Variants in XRCC6 observed in about 807,000 individuals in gnomAD.
The protein encoded by XRCC6 is X-ray repair cross complementing 6.
XRCC6 carries 5 observed loss-of-function variants against 65.7 expected under a neutral mutation model. The ratio of observed to expected loss-of-function variants is 0.08; its 90% CI spans 0.04 to 0.16. The LOEUF (loss-of-function observed/expected upper bound fraction) is 0.16. Among genes scored for constraint, XRCC6 ranks in the 10% least tolerant of loss-of-function variants. The pLI is 1.00. For synonymous variants in XRCC6, 270 were observed against 270.6 expected (o/e 1.00, Z 0.02); for missense variants, 447 against 738.1 (o/e 0.61, Z 4.57).
At chr22:41,638,517 G>A (rs1055978872) in intron 6 of XRCC6, among the ~76,000 whole-genome samples, 10 of 152,134 alleles carry the variant, frequency 6.6e-5, no homozygotes, top group African/African-American at 2.4e-4. Context: ...AGACACGGTG[G>A]CTCACGCCTT....
At chr22:41,654,960 ATAACT>A (rs768326320) in intron 9 of XRCC6, among the ~76,000 whole-genome samples, 23 of 152,220 alleles carry the variant, frequency 1.5e-4, no homozygotes, top group Non-Finnish European at 2.2e-4. Context: ...AATTCTAGAA[ATAACT>A]TAAAAGCACA....
At chr22:41,628,934 C>T (rs2067708351) in intron 3 of XRCC6, among the ~76,000 whole-genome samples, 1 of 136,280 alleles carries the variant, frequency 7.3e-6, no homozygotes, top group African/African-American at 2.8e-5. Context: ...CCACTGCACT[C>T]CAGCTTGGGC....
At position 41,636,142 on chromosome 22, in the gene XRCC6, C is replaced by G; in HGVS notation, c.225C>G (p.Ile75Met). 6.3e-7 allele frequency: 1 copy of G among 1,597,164 alleles called. No individual in the cohort carries two copies. Among genetic ancestry groups the G allele is most frequent in the Non-Finnish European group, 8.5e-7 (1 of 1,176,364 alleles). Residue 75 changes from isoleucine (I) to methionine (M), a missense_variant, in exon 4 of 13, where the codon ATC becomes ATG. Physicochemically the swap from Ile to Met is conservative, Grantham distance 10. Transcript: ENST00000360079. Reference protein sequence around the residue: ...QCIQSVYISKIISSDRDLLAV... With the variant: ...QCIQSVYISKMISSDRDLLAV... ...TCCAAAGTGTGTACATCAGTAAGAT[C>G]ATAAGCAGTGATCGAGATCTCTTGG...
rs1335320703 is a variant in XRCC6 at position 41,649,126 on chromosome 22, CAAA to C, written c.961-1585_961-1583del. Among the ~76,000 whole-genome samples the C allele has an allele frequency of 5.8e-4, 52 of 90,248 alleles. 2 individuals are homozygous for C. The highest frequency in any genetic ancestry group is 2.2e-3 in the African/African-American group (47 of 21,110). 59.2% of individuals were successfully genotyped at this position (90,248 alleles called of 152,430 possible). On this transcript the variant is annotated intron_variant, in intron 7 of 12. Coordinates refer to ENST00000360079, the MANE Select transcript of XRCC6 (RefSeq NM_001469.5). Reference sequence around the variant, plus strand: ...GGTGCACAGCCTGGGGAAGAGAGTACAAAAAAAAAAAAAATATATATATATATA... The same window carrying C: ...GGTGCACAGCCTGGGGAAGAGAGTACAAAAAAAAAAATATATATATATATA...
In XRCC6 at chr22:41,661,557, G is replaced by T. The variant is rs1229789839; in HGVS notation, c.1636+113G>T. The T allele has an allele frequency of 1.2e-5, 11 of 905,004 alleles. No individual in the cohort carries two copies. The Admixed American group carries it at 3.2e-4, about 27-fold the overall frequency. 56.1% of individuals were successfully genotyped at this position (905,004 alleles called of 1,614,324 possible). On this transcript the variant is annotated intron_variant, in intron 12 of 12. Transcript: ENST00000360079. ...TATCTATTCACAGTCTAGTTAAAATGGCTTTTATCCAAAAAACAGACAATA... is the reference window on the plus strand; with the variant it reads ...TATCTATTCACAGTCTAGTTAAAATTGCTTTTATCCAAAAAACAGACAATA...
At chr22:41,649,139 A>AATATATATATATATATAT (rs1555906700) in intron 7 of XRCC6, among the ~76,000 whole-genome samples, 33 of 88,720 alleles carry the variant, frequency 3.7e-4, no homozygotes, top group Admixed American at 6.9e-4. Context: ...AAAAAAAAAA[A>AATATATATATATATATAT]ATATATATAT....
At chr22:41,649,139 A>AAAAAAAATATATATATATATAT in intron 7 of XRCC6, among the ~76,000 whole-genome samples, 7 of 88,734 alleles carry the variant, frequency 7.9e-5, no homozygotes, top group Non-Finnish European at 1.2e-4. Context: ...AAAAAAAAAA[A>AAAAAAAATATATATATATATAT]ATATATATAT....
rs28384772 is a variant in XRCC6, at chr22:41,658,947, C to CA, written c.1522+601dup. ...GCTGTCTCAAAAAACAAAACAAAAA[C>CA]AAAAAATCAATAAATAATTTAAGAG... is the stretch of plus-strand genomic sequence containing the variant. On this transcript the variant is annotated intron_variant, in intron 11 of 12. Coordinates refer to ENST00000360079, the MANE Select transcript of XRCC6 (RefSeq NM_001469.5). Among the ~76,000 whole-genome samples the CA allele has an allele frequency of 1.5e-3, 225 of 152,166 alleles. 1 individual carries two copies. The highest frequency in any genetic ancestry group is 5.3e-3 in the African/African-American group (222 of 41,550).
chr22:41,658,985 G>A (rs1272833287), intron 11 of XRCC6, among the ~76,000 whole-genome samples: 3 of 152,084 alleles, frequency 2.0e-5, no homozygotes, highest in Non-Finnish European at 2.9e-5. Context: ...AATAAGTGGT[G>A]GATTTGGGTT....
chr22:41,639,218 T>C (rs929687302), intron 6 of XRCC6, among the ~76,000 whole-genome samples: 6 of 151,978 alleles, frequency 3.9e-5, no homozygotes, highest in Admixed American at 1.3e-4. Context: ...AAACAGAGCC[T>C]GTTAGGGAGC....
intron 7 of XRCC6, among the ~76,000 whole-genome samples, chr22:41,648,548 T>G (rs1183992542): frequency 1.3e-5 from 2 of 152,174 alleles, no homozygotes; most frequent in Non-Finnish European, 2.9e-5. Context: ...GAAAGACAGA[T>G]GCAGGACGCA....
At chr22:41,662,906 C>A (rs1601561202) in intron 12 of XRCC6, among the ~76,000 whole-genome samples, 1 of 152,040 alleles carries the variant, frequency 6.6e-6, no homozygotes, top group South Asian at 2.1e-4. Context: ...CACAGTGAAA[C>A]CTCGTCTGTA....
At chr22:41,627,463 T>G (rs1382574204) in intron 2 of XRCC6, among the ~76,000 whole-genome samples, 1 of 151,774 alleles carries the variant, frequency 6.6e-6, no homozygotes, top group East Asian at 1.9e-4. Context: ...AATACAAAAT[T>G]AGCTGGGAGT....
At chr22:41,621,662 A>G (rs7284074) in intron 1 of XRCC6, 11,064 of 269,044 alleles carry the variant, frequency 0.041, 1,163 homozygotes, top group African/African-American at 0.23. Context: ...GGTATTGAGG[A>G]CGAGGGGGTC....
At chr22:41,639,082 C>T (rs1281734455) in intron 6 of XRCC6, among the ~76,000 whole-genome samples, 1 of 152,072 alleles carries the variant, frequency 6.6e-6, no homozygotes, top group Non-Finnish European at 1.5e-5. Context: ...ATTGTATGTG[C>T]GCCCTATTGT....
chr22:41,655,163 C>A (rs114211913), intron 9 of XRCC6, among the ~76,000 whole-genome samples: 67 of 152,136 alleles, frequency 4.4e-4, no homozygotes, highest in African/African-American at 1.6e-3. Flanking sequence ...GTGGTGCTGG[C>A]AGTTTGGATA....
intron 2 of XRCC6, among the ~76,000 whole-genome samples, chr22:41,627,749 C>T (rs1601527782): frequency 1.3e-5 from 2 of 152,092 alleles, no homozygotes; most frequent in Admixed American, 6.6e-5. Context: ...TGGCACACAC[C>T]TGTAGTCCCA....
At chr22:41,662,780 A>ATT (rs2068111438) in intron 12 of XRCC6, among the ~76,000 whole-genome samples, 1 of 152,060 alleles carries the variant, frequency 6.6e-6, no homozygotes, top group Admixed American at 6.6e-5. Flanking sequence ...TTTAATTTCT[A>ATT]TTTAAAATGA....
intron 2 of XRCC6, among the ~76,000 whole-genome samples, chr22:41,625,439 T>A (rs2067659433): frequency 6.6e-6 from 1 of 152,186 alleles, no homozygotes; most frequent in African/African-American, 2.4e-5. Context: ...GAGACCAGCC[T>A]GACCAACATG....
Sources: gnomAD v4.1 joint callset for allele counts (sites outside exome capture counted in the v4.1 genomes callset) on GRCh38, gnomAD v4.1.1 for gene constraint, MANE v1.5 for transcripts, NCBI Gene and HGNC (gene_info 2026-07-23, HGNC 2026-07-21) for gene names.